ZNF254: variants seen among roughly 807,000 people sequenced by gnomAD.
ZNF254 encodes CTD-2017D11.1.
Under a neutral mutation model 12.4 loss-of-function variants are expected in ZNF254, and 10 were observed. The observed-to-expected ratio is 0.80, with a 90% CI of 0.50 to 1.36. The LOEUF (loss-of-function observed/expected upper bound fraction) is 1.36. Among genes scored for constraint, ZNF254 ranks in the 40% most tolerant of loss-of-function variants. The pLI is 0.00. For synonymous variants in ZNF254, 305 were observed against 253.4 expected (o/e 1.20, Z -1.93); for missense variants, 996 against 763.9 (o/e 1.30, Z -3.58).
chr19:24,076,800 A>C (rs931867930), intron 2 of ZNF254, among the ~76,000 whole-genome samples: 4 of 152,220 alleles, frequency 2.6e-5, no homozygotes, highest in African/African-American at 9.6e-5. Context: ...TACGCTTGAT[A>C]ATACAAGGAG....
intron 1 of ZNF254, among the ~76,000 whole-genome samples, chr19:24,099,470 G>A (rs8110507): frequency 2.6e-4 from 40 of 151,986 alleles, no homozygotes; most frequent in Non-Finnish European, 4.9e-4. Flanking sequence ...GCAAGAGTGC[G>A]CTAGCACAGT....
intron 2 of ZNF254, chr19:24,079,370 T>C (rs1168587197): frequency 6.6e-6 from 1 of 152,220 alleles, no homozygotes; most frequent in East Asian, 1.9e-4. Flanking sequence ...CCCTCCTCCC[T>C]ACCCTTCTAG....
intron 3 of ZNF254, among the ~76,000 whole-genome samples, chr19:24,119,155 T>G (rs1317393662): frequency 6.6e-6 from 1 of 152,020 alleles, no homozygotes; most frequent in African/African-American, 2.4e-5. Context: ...TTAAAAGATT[T>G]TTCCACATAT....
At chr19:24,117,204 G>C (rs1264822116) in intron 3 of ZNF254, among the ~76,000 whole-genome samples, 2 of 152,136 alleles carry the variant, frequency 1.3e-5, no homozygotes, top group Non-Finnish European at 2.9e-5. Context: ...TGTGTGTTGG[G>C]AGAACCACTG....
intron 2 of ZNF254, among the ~76,000 whole-genome samples, chr19:24,056,659 G>A (rs1970868406): frequency 6.6e-6 from 1 of 152,074 alleles, no homozygotes; most frequent in African/African-American, 2.4e-5. Context: ...TTCTACCAAG[G>A]TTTCCCCACA....
At position 24,127,186 on chromosome 19, in the gene ZNF254, CAT is replaced by C. The variant is rs760344327; in HGVS notation, c.1188_1189del (p.His396GlnfsTer13). ...TAAGCAACTCTCAACTCTTACTACA[CAT>C]AAAATAATTCATGTTGGAGAGAAAC... ...AFKQLSTLTT[H>X]KIIHVGEKLY... On this transcript the variant is annotated frameshift_variant, in exon 4 of 4. Transcript: ENST00000357002. LOFTEE classifies it low-confidence loss of function (END_TRUNC). 30 of 1,613,280 alleles carry C rather than the reference CAT, an allele frequency of 1.9e-5. No individual in the cohort carries two copies. In the East Asian group the frequency reaches 6.5e-4, roughly 35 times the overall value.
chr19:24,055,027 C>T (rs967599165), intron 2 of ZNF254, among the ~76,000 whole-genome samples: 3 of 151,210 alleles, frequency 2.0e-5, no homozygotes, highest in African/African-American at 7.3e-5. Flanking sequence ...ATGTTGAAAC[C>T]CCATCTCTAC....
intron 1 of ZNF254, among the ~76,000 whole-genome samples, chr19:24,041,399 A>G (rs1040960935): frequency 2.0e-5 from 3 of 152,188 alleles, no homozygotes; most frequent in Non-Finnish European, 4.4e-5. Flanking sequence ...GGTGGGCCCC[A>G]CACTCGGAGC....
intron 2 of ZNF254, among the ~76,000 whole-genome samples, chr19:24,082,138 A>G (rs1471691383): frequency 6.6e-6 from 1 of 152,016 alleles, no homozygotes; most frequent in Non-Finnish European, 1.5e-5. Context: ...GAAAAAAAAA[A>G]AAAGATAATA....
intron 1 of ZNF254, 91 bp downstream of exon 1, chr19:24,087,428 A>C: frequency 1.3e-6 from 2 of 1,536,642 alleles, no homozygotes; most frequent in Non-Finnish European, 9.0e-7. Context: ...GCCTCCCCCC[A>C]GTCAGCTCCA....
intron 1 of ZNF254, chr19:24,104,937 T>G (rs1220459559): frequency 1.3e-5 from 2 of 152,226 alleles, no homozygotes; most frequent in African/African-American, 4.8e-5. Flanking sequence ...ATTAGGGTGC[T>G]ATAGAAAGAC....
At chr19:24,053,562 GC>G (rs1345682336) in intron 2 of ZNF254, among the ~76,000 whole-genome samples, 1 of 152,004 alleles carries the variant, frequency 6.6e-6, no homozygotes, top group Non-Finnish European at 1.5e-5. Flanking sequence ...AGGGCCTAGT[GC>G]CCAGGTGATA....
intron 3 of ZNF254, among the ~76,000 whole-genome samples, chr19:24,118,318 C>T (rs963760977): frequency 6.6e-6 from 1 of 152,096 alleles, no homozygotes; most frequent in African/African-American, 2.4e-5. Flanking sequence ...TCCCAAAGTG[C>T]TGGGATTACA....
intron 1 of ZNF254, among the ~76,000 whole-genome samples, chr19:24,095,822 G>A (rs1464432655): frequency 6.6e-6 from 1 of 151,660 alleles, no homozygotes; most frequent in Non-Finnish European, 1.5e-5. Context: ...TGGATTTTTT[G>A]ATATTTTGTA....
chr19:24,063,472 ATGTAT>A (rs1417303486), intron 2 of ZNF254, among the ~76,000 whole-genome samples: 1 of 152,130 alleles, frequency 6.6e-6, no homozygotes, highest in Non-Finnish European at 1.5e-5. Context: ...CTGCCCACAG[ATGTAT>A]TGTGACATAT....
intron 2 of ZNF254, among the ~76,000 whole-genome samples, chr19:24,069,002 C>T (rs1031332477): frequency 7.2e-5 from 11 of 151,908 alleles, no homozygotes; most frequent in African/African-American, 2.4e-4. Context: ...GATGATATTG[C>T]GTTTCTTTTC....
intron 2 of ZNF254, among the ~76,000 whole-genome samples, chr19:24,049,214 A>ATATATATATATATATATAT (rs1160333151): frequency 4.9e-5 from 2 of 40,868 alleles, no homozygotes; most frequent in South Asian, 8.3e-4. Context: ...ATATATATAT[A>ATATATATATATATATATAT]TTTTTTTTTT....
chr19:24,089,645 T>C (rs1972247671), intron 1 of ZNF254, among the ~76,000 whole-genome samples: 1 of 151,994 alleles, frequency 6.6e-6, no homozygotes, highest in Non-Finnish European at 1.5e-5. Flanking sequence ...AGGTATTGAG[T>C]GTAGCGTCCC....
At chr19:24,070,313 GGT>G (rs1179594022) in intron 2 of ZNF254, among the ~76,000 whole-genome samples, 3 of 152,186 alleles carry the variant, frequency 2.0e-5, no homozygotes, top group African/African-American at 7.2e-5. Context: ...CCAGCACACA[GGT>G]GACATTGTGA....
Sources: gnomAD v4.1 joint callset for allele counts (sites outside exome capture counted in the v4.1 genomes callset) on GRCh38, gnomAD v4.1.1 for gene constraint, MANE v1.5 for transcripts, NCBI Gene and HGNC (gene_info 2026-07-23, HGNC 2026-07-21) for gene names.